POU6F2: variants seen among roughly 807,000 people sequenced by gnomAD.
POU6F2 encodes the protein POU domain, class 6, transcription factor 2.
A neutral mutation model predicts 71.3 loss-of-function variants in POU6F2; 31 were observed. That is an observed-to-expected ratio of 0.43 (90% CI 0.33 to 0.59). The LOEUF is 0.59. Among genes scored for constraint, POU6F2 ranks in the 20% least tolerant of loss-of-function variants. The pLI is 0.04. For missense variants in POU6F2, 783 were observed against 856.8 expected (o/e 0.91, Z 1.07); for synonymous variants, 347 against 355.7 (o/e 0.98, Z 0.27).
intron 5 of POU6F2, among the ~76,000 whole-genome samples, chr7:39,348,597 T>C (rs1786075234): frequency 6.6e-6 from 1 of 152,204 alleles, no homozygotes; most frequent in Non-Finnish European, 1.5e-5. Flanking sequence ...ATCTAGTCTG[T>C]CTGACTTCAA....
chr7:39,188,870 A>C (rs1489693407), intron 2 of POU6F2, among the ~76,000 whole-genome samples: 1 of 152,234 alleles, frequency 6.6e-6, no homozygotes, highest in Non-Finnish European at 1.5e-5. Context: ...CAGAGAGATG[A>C]AACTGTCAGA....
intron 4 of POU6F2, among the ~76,000 whole-genome samples, chr7:39,215,936 C>A (rs1313424054): frequency 6.6e-6 from 1 of 152,196 alleles, no homozygotes; most frequent in African/African-American, 2.4e-5. Flanking sequence ...GCTGCACATC[C>A]TTCACCTTCT....
At chr7:39,246,873 A>G (rs1783829305) in intron 4 of POU6F2, among the ~76,000 whole-genome samples, 1 of 144,812 alleles carries the variant, frequency 6.9e-6, no homozygotes, top group African/African-American at 2.6e-5. Context: ...CTGTTTTGAG[A>G]CACAATCCAG....
At chr7:39,273,851 A>G (rs1784384801) in intron 4 of POU6F2, among the ~76,000 whole-genome samples, 2 of 152,340 alleles carry the variant, frequency 1.3e-5, no homozygotes, top group South Asian at 2.1e-4. Context: ...CAACAAAATT[A>G]TAGTGATAAA....
intron 9 of POU6F2, among the ~76,000 whole-genome samples, chr7:39,461,815 C>T (rs1788956622): frequency 6.6e-6 from 1 of 152,140 alleles, no homozygotes; most frequent in South Asian, 2.1e-4. Flanking sequence ...AGATACCTCC[C>T]TGTAGAAAAT....
At position 39,358,733 on chromosome 7, in the gene POU6F2, A is replaced by G. The variant is rs557580976; in HGVS notation, c.972+18718A>G. 4.3e-4 allele frequency among the ~76,000 whole-genome samples: 65 copies of G among 152,336 alleles called. 1 individual carries two copies. In the South Asian group the frequency reaches 0.01, roughly 24 times the overall value. On this transcript the variant is annotated intron_variant, in intron 5 of 9. Coordinates refer to ENST00000518318, the MANE Select transcript of POU6F2 (RefSeq NM_001370959.1). ...TAACTGAAGATGATTGTTCATTAAT[A>G]TCAGTTAATATTTCCTCAGTGATTC...
At chr7:39,002,554 C>T (rs1036079985) in intron 1 of POU6F2, among the ~76,000 whole-genome samples, 1 of 152,168 alleles carries the variant, frequency 6.6e-6, no homozygotes. Context: ...ACCTTGTTGG[C>T]CAGGCTGGTC....
chr7:39,207,442 G>A lies in POU6F2; in HGVS notation c.420G>A (p.Pro140=), dbSNP rs776845454. The change falls in exon 4 of 10, where the codon CCG becomes CCA. Residue 140 remains proline (P), a synonymous_variant. Transcript: ENST00000518318. ...CTTCTGCTGTGGCCGGCGTGATGCC[G>A]GGAGGCCCCCCAGCCCTCAACCAGC... ...QLASAVAGVM[P]GGPPALNQPI... 10 of 1,613,780 alleles carry A rather than the reference G, an allele frequency of 6.2e-6. No individual in the cohort carries two copies. Among genetic ancestry groups the A allele is most frequent in the African/African-American group, 1.3e-5 (1 of 74,908 alleles).
At chr7:39,386,307 A>C (rs1786943257) in intron 5 of POU6F2, among the ~76,000 whole-genome samples, 1 of 151,980 alleles carries the variant, frequency 6.6e-6, no homozygotes. Flanking sequence ...AACATCCTAC[A>C]CACTAAACTC....
At chr7:39,162,710 A>T (rs1253777031) in intron 2 of POU6F2, among the ~76,000 whole-genome samples, 1 of 152,190 alleles carries the variant, frequency 6.6e-6, no homozygotes, top group Non-Finnish European at 1.5e-5. Context: ...AACAAAGTTA[A>T]ACACTCTGGC....
intron 4 of POU6F2, among the ~76,000 whole-genome samples, chr7:39,288,037 C>G (rs1247212872): frequency 1.3e-5 from 2 of 152,056 alleles, no homozygotes; most frequent in Non-Finnish European, 2.9e-5. Context: ...GGGCTTGGTT[C>G]GTAGCAATTA....
intron 1 of POU6F2, among the ~76,000 whole-genome samples, chr7:39,025,113 T>C (rs903405805): frequency 2.4e-4 from 36 of 152,236 alleles, no homozygotes; most frequent in South Asian, 1.2e-3. Context: ...TGGTAGAATT[T>C]GGCTGTGAAT....
chr7:39,407,203 G>T (rs1348432862), intron 6 of POU6F2, among the ~76,000 whole-genome samples: 1 of 151,882 alleles, frequency 6.6e-6, no homozygotes, highest in East Asian at 1.9e-4. Flanking sequence ...TTGAATGTAT[G>T]GGAAGGTGAT....
intron 1 of POU6F2, among the ~76,000 whole-genome samples, chr7:38,992,499 C>T (rs761353334): frequency 1.1e-4 from 16 of 152,064 alleles, no homozygotes; most frequent in South Asian, 2.1e-4. Context: ...AGAGGGGACA[C>T]GAGGTTCTTT....
At chr7:39,228,542 C>T (rs1794515346) in intron 4 of POU6F2, among the ~76,000 whole-genome samples, 1 of 152,170 alleles carries the variant, frequency 6.6e-6, no homozygotes, top group Admixed American at 6.5e-5. Flanking sequence ...GGGAAAAGGT[C>T]ACGGATCTGT....
At chr7:39,056,914 T>C (rs931431506) in intron 1 of POU6F2, among the ~76,000 whole-genome samples, 1 of 152,144 alleles carries the variant, frequency 6.6e-6, no homozygotes, top group African/African-American at 2.4e-5. Flanking sequence ...AAACATAACT[T>C]GTCTGTATGA....
intron 4 of POU6F2, among the ~76,000 whole-genome samples, chr7:39,262,703 G>A (rs1005803340): frequency 1.3e-5 from 2 of 151,962 alleles, no homozygotes; most frequent in Non-Finnish European, 1.5e-5. Context: ...TTCAGGTCTT[G>A]TGGTATGCAT....
chr7:39,110,495 T>G (rs1281583649), intron 2 of POU6F2, among the ~76,000 whole-genome samples: 1 of 152,076 alleles, frequency 6.6e-6, no homozygotes, highest in African/African-American at 2.4e-5. Flanking sequence ...TTAAATTATG[T>G]CACGTTGGTA....
chr7:39,202,006 A>G (rs995485312), intron 2 of POU6F2, among the ~76,000 whole-genome samples: 6 of 152,244 alleles, frequency 3.9e-5, no homozygotes, highest in Non-Finnish European at 7.3e-5. Flanking sequence ...AATCTCCTCT[A>G]GAGCCTGTGA....
Sources: gnomAD v4.1 joint callset for allele counts (sites outside exome capture counted in the v4.1 genomes callset) on GRCh38, gnomAD v4.1.1 for gene constraint, MANE v1.5 for transcripts, NCBI Gene and HGNC (gene_info 2026-07-23, HGNC 2026-07-21) for gene names.